Variants in PAGE3 observed in about 807,000 individuals in gnomAD.
PAGE3 encodes PAGE family member 3, also known as P antigen family member 3.
In PAGE3, 9 loss-of-function variants were observed where a neutral mutation model predicts 3.8. The observed-to-expected ratio is 2.36, with a 90% CI of 1.42 to 4.12. The LOEUF is 4.12. Among genes scored for constraint, PAGE3 ranks in the 30% most tolerant of loss-of-function variants. PAGE3 has a pLI of 0.00. For missense variants in PAGE3, 73 were observed against 37.8 expected (o/e 1.93, Z -2.44); for synonymous variants, 24 against 13.1 (o/e 1.83, Z -1.79).
rs775335160 is a variant in PAGE3 at position 55,260,745 on chromosome X, T to C, written c.194-86A>G. The C allele has an allele frequency of 1.0e-4, 41 of 407,327 alleles. No homozygotes were observed. In the South Asian group the frequency reaches 1.8e-3, roughly 18 times the overall value. The allele number at this position is 407,327 out of a possible 1,213,427, so 33.6% of individuals were successfully genotyped here. On this transcript the variant is annotated intron_variant, in intron 3 of 4. Transcript: ENST00000374951. ...GATAATATTCACTCCCTCAATGTTA[T>C]GAAATAAAAGCCTATAGGCTAGTGT...
intron 4 of PAGE3, among the ~76,000 whole-genome samples, chrX:55,258,987 T>A (rs1465839293): frequency 1.8e-5 from 2 of 112,045 alleles, no homozygotes; most frequent in African/African-American, 6.5e-5. Context: ...GTATTATATT[T>A]GTTTTGTTTC....
intron 3 of PAGE3, 49 bp downstream of exon 3, chrX:55,263,202 T>C (rs1218199361): frequency 1.9e-6 from 1 of 539,123 alleles, no homozygotes; most frequent in East Asian, 3.3e-5. Flanking sequence ...ACATGATATA[T>C]ACATACACCC....
rs771392249 is a variant in PAGE3, at chrX:55,263,345, G to A, written c.99C>T (p.Pro33=). ...PVGAVVAQEL[P]SNDQLQQEEP... ...CCTCTTGTTGAAGCTGGTCATTACT[G>A]GGCAGCTCCTGGGCCTAGGAATATG... Residue 33 remains proline, a synonymous_variant, in exon 3 of 5, where the codon CCC becomes CCT. Transcript: ENST00000374951. 27 of 566,382 alleles carry A rather than the reference G, an allele frequency of 4.8e-5. No individual in the cohort carries two copies. Among genetic ancestry groups the A allele is most frequent in the Non-Finnish European group, 8.4e-5 (26 of 308,216 alleles). 46.7% of individuals were successfully genotyped at this position (566,382 alleles called of 1,213,427 possible). A position where few individuals can be genotyped will look rare whatever the true frequency, so the allele number is the denominator to read the frequency against.
Position 55,264,765 on chromosome X carries a change from C to T in PAGE3, c.-228G>A. On this transcript the variant is annotated 5_prime_UTR_variant, in exon 1 of 5. The change abolishes the stop of an existing upstream ORF in the 5' untranslated region. Transcript: ENST00000374951. ...TGTCCAAAGCCCGCTGGCTCCCCTT[C>T]ACATTCACTCACAACTAAATTCCCA... The T allele has an allele frequency of 9.0e-6, 1 of 111,500 alleles. No homozygotes were observed. Among genetic ancestry groups the T allele is most frequent in the Non-Finnish European group, 1.9e-5 (1 of 53,104 alleles). 9.2% of individuals were successfully genotyped at this position (111,500 alleles called of 1,213,427 possible).
At chrX:55,262,405 T>C (rs1938303284) in intron 3 of PAGE3, among the ~76,000 whole-genome samples, 1 of 111,424 alleles carries the variant, frequency 9.0e-6, no homozygotes. Flanking sequence ...CTATCATTCA[T>C]TGAGTCATTC....
Position 55,263,864 on chromosome X carries a change from T to A in PAGE3, c.40A>T (p.Arg14Ter), listed in dbSNP as rs1727944607. 2 of 567,817 alleles carry A rather than the reference T, an allele frequency of 3.5e-6. No individual in the cohort carries two copies. Among genetic ancestry groups the A allele is most frequent in the Non-Finnish European group, 6.5e-6 (2 of 309,044 alleles). 46.8% of individuals were successfully genotyped at this position (567,817 alleles called of 1,213,427 possible). A position where few individuals can be genotyped will look rare whatever the true frequency, so the allele number is the denominator to read the frequency against. Reference protein sequence around the residue: ...HQRTRSRSRERRDDQDSNHPV... With the variant: ...HQRTRSRSRE ...TGATTAGAGTCTTGATCATCTCTTC[T>A]TTCTCTAGATCTGGATCTTGTTCTT... Residue 14 changes from arginine (R) to a stop codon, truncating the protein, a stop_gained, in exon 2 of 5, where the codon AGA (arginine) becomes TGA (stop). Coordinates refer to ENST00000374951, the MANE Select transcript of PAGE3 (RefSeq NM_001017931.3). LOFTEE classifies it high-confidence loss of function.
chrX:55,259,127 G>A (rs188790250), intron 4 of PAGE3, among the ~76,000 whole-genome samples: 8 of 111,424 alleles, frequency 7.2e-5, no homozygotes, highest in African/African-American at 2.3e-4. Context: ...TCTTTGCACA[G>A]TTAAAAATAT....
In PAGE3 at chrX:55,263,706, C is replaced by G. The variant is rs764373995; in HGVS notation, c.84+114G>C. The G allele has an allele frequency of 3.0e-5, 13 of 436,132 alleles. No homozygotes were observed. In the South Asian group the frequency reaches 4.4e-4, roughly 15 times the overall value. The allele number at this position is 436,132 out of a possible 1,213,427, so 35.9% of individuals were successfully genotyped here. A position where few individuals can be genotyped will look rare whatever the true frequency, so the allele number is the denominator to read the frequency against. ...AAATCTATGTTTACTTCACGAGATT[C>G]AATTATTACCATTTACAAGCATGGA... On this transcript the variant is annotated intron_variant, in intron 2 of 4. Transcript: ENST00000374951.
At chrX:55,259,975 T>C (rs1418202536) in intron 4 of PAGE3, among the ~76,000 whole-genome samples, 4 of 111,365 alleles carry the variant, frequency 3.6e-5, no homozygotes, top group Non-Finnish European at 7.6e-5. Context: ...ACACTAAGTG[T>C]TTATATTAAA....
Position 55,264,651 on chromosome X carries a change from G to C in PAGE3, c.-114C>G, listed in dbSNP as rs910930735. 1 of 112,005 alleles carries C rather than the reference G, an allele frequency of 8.9e-6. No homozygotes were observed. Among genetic ancestry groups the C allele is most frequent in the Non-Finnish European group, 1.9e-5 (1 of 53,201 alleles). 9.2% of individuals were successfully genotyped at this position (112,005 alleles called of 1,213,427 possible). ...CCAGAAACGACGACAAAGGCCCATG[G>C]GGCGTCGCGACCTGGGAGGAGCCGG... is the stretch of plus-strand genomic sequence containing the variant. On this transcript the variant is annotated 5_prime_UTR_variant, in exon 1 of 5. Transcript: ENST00000374951.
intron 3 of PAGE3, among the ~76,000 whole-genome samples, chrX:55,261,320 T>C (rs983992336): frequency 9.0e-6 from 1 of 111,423 alleles, no homozygotes; most frequent in African/African-American, 3.3e-5. Context: ...CAACTGCATT[T>C]TTCATTGTTG....
chrX:55,260,537 C>T lies in PAGE3; in HGVS notation c.316G>A (p.Ala106Thr), dbSNP rs766778317. ...PNLEPVKIPE[A>T]GEGQPSV The stretch of plus-strand genomic sequence containing the variant: ...GCATTTTTAATGAATAACTTACCTG[C>T]TTCTGGTATTTTAACAGGCTCCAGA... Residue 106 changes from alanine (A) to threonine (T), a missense_variant, in exon 4 of 5, where the codon GCA (alanine) becomes ACA (threonine). Ala to Thr is a moderately conservative substitution (Grantham distance 58). Coordinates refer to ENST00000374951, the MANE Select transcript of PAGE3 (RefSeq NM_001017931.3). 3.6e-6 allele frequency: 2 copies of T among 563,285 alleles called. No individual in the cohort carries two copies. Among genetic ancestry groups the T allele is most frequent in the African/African-American group, 4.5e-5 (2 of 44,431 alleles). The allele number at this position is 563,285 out of a possible 1,213,427, so 46.4% of individuals were successfully genotyped here.
rs777668236 is a variant in PAGE3 at position 55,260,584 on chromosome X, A to C, written c.269T>G (p.Val90Gly). 1.8e-6 allele frequency: 1 copy of C among 566,920 alleles called. No homozygotes were observed. The highest frequency in any genetic ancestry group is 3.3e-6 in the Non-Finnish European group (1 of 307,340). The allele number at this position is 566,920 out of a possible 1,213,427, so 46.7% of individuals were successfully genotyped here. ...CAGATTTGGCAGAAATTCTCCCTTGACATTAGGACCATCTCCACGTTCACC... is the reference window on the plus strand; with the variant it reads ...CAGATTTGGCAGAAATTCTCCCTTGCCATTAGGACCATCTCCACGTTCACC... Reference protein sequence around the residue: ...TGGERGDGPNVKGEFLPNLEP... With the variant: ...TGGERGDGPNGKGEFLPNLEP... The change falls in exon 4 of 5, where the codon GTC becomes GGC. Residue 90 changes from valine (V) to glycine (G), a missense_variant. By Grantham distance (109) the Val-to-Gly change is moderately radical. Transcript: ENST00000374951.
Position 55,258,418 on chromosome X carries a change from G to T in PAGE3, c.*88C>A, listed in dbSNP as rs769400941. ...GACATAAGTTGCACAAGACTTCTTT[G>T]CAGACAATTGTGAAACTTTATTGAG... On this transcript the variant is annotated 3_prime_UTR_variant, in exon 5 of 5. Coordinates refer to ENST00000374951, the MANE Select transcript of PAGE3 (RefSeq NM_001017931.3). 5.6e-6 allele frequency: 3 copies of T among 537,343 alleles called. No homozygotes were observed. The highest frequency in any genetic ancestry group is 2.6e-5 in the South Asian group (1 of 38,888). The allele number at this position is 537,343 out of a possible 1,213,427, so 44.3% of individuals were successfully genotyped here. A position where few individuals can be genotyped will look rare whatever the true frequency, so the allele number is the denominator to read the frequency against.
chrX:55,263,974 T>C (rs1199649299), intron 1 of PAGE3, 63 bp from the exon 2 acceptor site: 5 of 478,005 alleles, frequency 1.0e-5, no homozygotes, highest in Non-Finnish European at 1.5e-5. Flanking sequence ...ACCTTTTCCA[T>C]GGCTAAATTG....
At position 55,263,350 on chromosome X, in the gene PAGE3, G is replaced by A. The variant is rs948894669; in HGVS notation, c.94C>T (p.Leu32=). 3.5e-6 allele frequency: 2 copies of A among 565,353 alleles called. No homozygotes were observed. The highest frequency in any genetic ancestry group is 2.2e-5 in the African/African-American group (1 of 44,448). The allele number at this position is 565,353 out of a possible 1,213,427, so 46.6% of individuals were successfully genotyped here. A position where few individuals can be genotyped will look rare whatever the true frequency, so the allele number is the denominator to read the frequency against. ...HPVGAVVAQE[L]PSNDQLQQEE... is the part of the protein sequence containing the mutation. ...TGTTGAAGCTGGTCATTACTGGGCAGCTCCTGGGCCTAGGAATATGAGTGC... is the reference window on the plus strand; with the variant it reads ...TGTTGAAGCTGGTCATTACTGGGCAACTCCTGGGCCTAGGAATATGAGTGC... Residue 32 remains leucine (L), a synonymous_variant, in exon 3 of 5, where the codon CTG becomes TTG. Coordinates refer to ENST00000374951, the MANE Select transcript of PAGE3 (RefSeq NM_001017931.3).
chrX:55,264,061 T>C, intron 1 of PAGE3, 150 bp from the exon 2 acceptor site: 1 of 384,870 alleles, frequency 2.6e-6, no homozygotes, highest in Non-Finnish European at 4.5e-6. Context: ...TCATCTAATT[T>C]AGCCAAATAT....
chrX:55,264,522 C>T (rs1938354321), intron 1 of PAGE3, 24 bp downstream of exon 1: 1 of 111,471 alleles, frequency 9.0e-6, no homozygotes, highest in African/African-American at 3.3e-5. Context: ...TCTCAGGGTT[C>T]CAGGCCTTTC....
intron 2 of PAGE3, 136 bp from the exon 3 acceptor site, chrX:55,263,495 A>G (rs889668130): frequency 5.2e-5 from 22 of 423,043 alleles, no homozygotes; most frequent in Non-Finnish European, 8.6e-5. Context: ...ACAATTCTAC[A>G]TATACTTATT....
Sources: allele counts gnomAD v4.1 joint callset (sites outside exome capture counted in the v4.1 genomes callset), GRCh38; gene constraint gnomAD v4.1.1; transcripts MANE v1.5; gene names NCBI Gene and HGNC (gene_info 2026-07-23, HGNC 2026-07-21).